NHSL1: variants seen among roughly 807,000 people sequenced by gnomAD.
NHSL1 encodes NHS-like protein 1.
A neutral mutation model predicts 95.0 loss-of-function variants in NHSL1; 48 were observed. The ratio of observed to expected loss-of-function variants is 0.51; its 90% CI spans 0.40 to 0.64. The LOEUF (loss-of-function observed/expected upper bound fraction) is 0.64, where lower values mean the gene tolerates loss of function less well. Ranked by LOEUF, NHSL1 falls within the 30% of genes least tolerant of loss-of-function variation. The pLI is 0.00. For missense variants in NHSL1, 1,971 were observed against 2,077.7 expected, an observed-to-expected ratio of 0.95 and a Z score of 1.00; for synonymous variants, 783 against 833.9, an observed-to-expected ratio of 0.94 and a Z score of 1.05.
At chr6:138,475,157 A>G (rs1475553522) in intron 2 of NHSL1, among the ~76,000 whole-genome samples, 2 of 152,072 alleles carry the variant, frequency 1.3e-5, no homozygotes, top group East Asian at 3.8e-4. Flanking sequence ...CTCAAAAAAA[A>G]AAAAAAAAGA....
intron 1 of NHSL1, among the ~76,000 whole-genome samples, chr6:138,600,920 A>G (rs557498482): frequency 6.6e-6 from 1 of 152,350 alleles, no homozygotes; most frequent in South Asian, 2.1e-4. Flanking sequence ...TCAGAATACA[A>G]TAACCACTTG....
intron 3 of NHSL1, among the ~76,000 whole-genome samples, chr6:138,458,998 G>A (rs1777817754): frequency 6.6e-6 from 1 of 152,036 alleles, no homozygotes; most frequent in South Asian, 2.1e-4. Flanking sequence ...GTGTTCTATA[G>A]TTTGTTTTTG....
chr6:138,515,615 A>T (rs1562342064), intron 1 of NHSL1, among the ~76,000 whole-genome samples: 1 of 152,232 alleles, frequency 6.6e-6, no homozygotes, highest in Non-Finnish European at 1.5e-5. Context: ...TAGTTGATCA[A>T]ATGATGCAAT....
At chr6:138,539,258 C>T (rs947950297) in intron 1 of NHSL1, among the ~76,000 whole-genome samples, 1 of 152,204 alleles carries the variant, frequency 6.6e-6, no homozygotes, top group Non-Finnish European at 1.5e-5. Context: ...ATCCCCAATA[C>T]CATATCCTGC....
intron 3 of NHSL1, among the ~76,000 whole-genome samples, chr6:138,462,463 G>T (rs1006326483): frequency 1.3e-4 from 20 of 152,164 alleles, no homozygotes; most frequent in African/African-American, 3.9e-4. Flanking sequence ...ATTCATGAGG[G>T]ATGTTCCTCC....
chr6:138,678,800 T>C (rs1159367691), intron 1 of NHSL1, among the ~76,000 whole-genome samples: 1 of 152,206 alleles, frequency 6.6e-6, no homozygotes, highest in East Asian at 1.9e-4. Context: ...ACATAGTAAG[T>C]ATCCTATAAG....
At chr6:138,644,508 C>CA (rs1270400085) in intron 1 of NHSL1, among the ~76,000 whole-genome samples, 6 of 151,534 alleles carry the variant, frequency 4.0e-5, no homozygotes, top group African/African-American at 1.5e-4. Flanking sequence ...ATCTCAACAA[C>CA]AAAAAAAAGC....
At chr6:138,449,617 C>A (rs527571765) in intron 3 of NHSL1, among the ~76,000 whole-genome samples, 1 of 151,326 alleles carries the variant, frequency 6.6e-6, no homozygotes, top group Non-Finnish European at 1.5e-5. Context: ...GCTGAGGCTG[C>A]GGTGAGCTGA....
chr6:138,597,323 G>T (rs903620389), intron 1 of NHSL1, among the ~76,000 whole-genome samples: 1 of 152,188 alleles, frequency 6.6e-6, no homozygotes, highest in African/African-American at 2.4e-5. Context: ...TACAGGAAAT[G>T]ATTTTAGGAG....
intron 1 of NHSL1, among the ~76,000 whole-genome samples, chr6:138,565,923 AC>A (rs1273564264): frequency 4.7e-4 from 71 of 149,684 alleles, no homozygotes; most frequent in Non-Finnish European, 2.4e-4. Context: ...AGCCTGGGCA[AC>A]AAAGCAAGAC....
At chr6:138,502,677 G>A (rs375739907), upstream of NHSL1, among the ~76,000 whole-genome samples, 37 of 152,184 alleles carry the variant, frequency 2.4e-4, 3 homozygotes, top group African/African-American at 6.7e-4. Context: ...GCATAATAGC[G>A]AAAAGCAGTC....
At chr6:138,549,713 T>A (rs2128331615), upstream of NHSL1, among the ~76,000 whole-genome samples, 1 of 152,342 alleles carries the variant, frequency 6.6e-6, no homozygotes, top group East Asian at 1.9e-4. Context: ...TTTGTTTTTC[T>A]TTTAAATCGT....
chr6:138,551,435 C>T (rs1410473852), intron 1 of NHSL1, among the ~76,000 whole-genome samples: 1 of 152,114 alleles, frequency 6.6e-6, no homozygotes, highest in African/African-American at 2.4e-5. Context: ...GATGCTGAAA[C>T]CCTCTGACAC....
rs566758116 is a variant in NHSL1, at chr6:138,605,209, A to G, written c.96+87267T>C. On this transcript the variant is annotated intron_variant, in intron 1 of 3. Coordinates refer to the NHSL1 transcript ENST00000491526. Reference sequence around the variant, plus strand: ...TGACTTGGATTTCACCATTTTTCGCATGTACTCATCTAACTACCTTTTTTG... The same window carrying G: ...TGACTTGGATTTCACCATTTTTCGCGTGTACTCATCTAACTACCTTTTTTG... Among the ~76,000 whole-genome samples the G allele has an allele frequency of 2.0e-5, 3 of 152,078 alleles. 1 individual carries two copies. Among genetic ancestry groups the G allele is most frequent in the South Asian group, 4.2e-4 (2 of 4,812 alleles).
chr6:138,574,526 T>C (rs1169866448), upstream of NHSL1, among the ~76,000 whole-genome samples: 1 of 152,060 alleles, frequency 6.6e-6, no homozygotes, highest in Non-Finnish European at 1.5e-5. Flanking sequence ...GCAGCTGCAT[T>C]TTTAATTTAA....
rs539443886 is a variant in NHSL1, at chr6:138,467,373, C to T, written c.339+5933G>A. 3.0e-4 allele frequency among the ~76,000 whole-genome samples: 45 copies of T among 152,240 alleles called. 1 individual carries two copies. In the South Asian group the frequency reaches 7.7e-3, roughly 26 times the overall value. ...TTTGCCGTGTTAGCCAGGATGGTCT[C>T]GATCTCCTGACCTCATGATCCGCCC... On this transcript the variant is annotated intron_variant, in intron 3 of 7. Transcript: ENST00000343505.
intron 4 of NHSL1, among the ~76,000 whole-genome samples, chr6:138,445,198 T>C (rs909801784): frequency 6.6e-6 from 1 of 152,198 alleles, no homozygotes; most frequent in African/African-American, 2.4e-5. Flanking sequence ...GCATTTCACC[T>C]TAATTCCATT....
intron 1 of NHSL1, among the ~76,000 whole-genome samples, chr6:138,591,006 T>C (rs1368247926): frequency 6.6e-6 from 1 of 152,208 alleles, no homozygotes; most frequent in Non-Finnish European, 1.5e-5. Context: ...GCCTGTGTAT[T>C]GACCATTGAT....
At chr6:138,673,091 T>C (rs994830807) in intron 1 of NHSL1, among the ~76,000 whole-genome samples, 3 of 152,028 alleles carry the variant, frequency 2.0e-5, no homozygotes, top group African/African-American at 7.3e-5. Context: ...TTCTATTATC[T>C]CTCTTCTCCA....
Sources: allele counts gnomAD v4.1 joint callset (sites outside exome capture counted in the v4.1 genomes callset), GRCh38; gene constraint gnomAD v4.1.1; transcripts MANE v1.5; gene names NCBI Gene and HGNC (gene_info 2026-07-23, HGNC 2026-07-21).